ACAP3: variants seen among roughly 807,000 people sequenced by gnomAD.
ACAP3 encodes arf-GAP with coiled-coil, ANK repeat and PH domain-containing protein 3.
In ACAP3, 56 loss-of-function variants were observed where a neutral mutation model predicts 104.1. That is an observed-to-expected ratio of 0.54 (90% CI 0.43 to 0.67). The LOEUF is 0.67. ACAP3 is among the 30% of genes least tolerant of loss of function. The pLI is 0.00. For synonymous variants in ACAP3, 628 were observed against 496.2 expected (o/e 1.27, Z -3.53); for missense variants, 1,208 against 1,174.9 (o/e 1.03, Z -0.41).
At chr1:1,307,685 T>TGACCTCCCCACCCCGCCGCC in intron 1 of ACAP3, 84 bp downstream of exon 1, 4 of 1,038,856 alleles carry the variant, frequency 3.9e-6, no homozygotes, top group Non-Finnish European at 2.3e-6. Flanking sequence ...GGCCCGGCGC[T>TGACCTCCCCACCCCGCCGCC]GACCTCCCCA....
In ACAP3 at chr1:1,306,968, T is replaced by C. The variant is rs187307697; in HGVS notation, c.47+801A>G. ...TGGCACAGCTCATCCACACGTCCTG[T>C]GCAAGGCCTGGTGTCCGGAGGGAGG... On this transcript the variant is annotated intron_variant, in intron 1 of 23. Coordinates refer to ENST00000354700, the MANE Select transcript of ACAP3 (RefSeq NM_030649.3). The C allele has an allele frequency of 2.3e-3, 964 of 413,646 alleles. 2 individuals carry two copies. The highest frequency in any genetic ancestry group is 4.1e-3 in the Non-Finnish European group (846 of 207,540). The allele number at this position is 413,646 out of a possible 1,614,324, so 25.6% of individuals were successfully genotyped here.
Position 1,298,691 on chromosome 1 carries a change from G to A in ACAP3, c.751-12C>T. On this transcript the variant is annotated splice_polypyrimidine_tract_variant and intron_variant, in intron 10 of 23. Transcript: ENST00000354700. The stretch of plus-strand genomic sequence containing the variant: ...TCGTAGGAGAAGTCCTGGGGGGATG[G>A]AACCCGCCCCCTCAGTGCCCACCCC... 6.2e-7 allele frequency: 1 copy of A among 1,603,272 alleles called. No homozygotes were observed.
At position 1,300,655 on chromosome 1, in the gene ACAP3, C is replaced by T. The variant is rs2100454647; in HGVS notation, c.376G>A (p.Asp126Asn). 6.2e-7 allele frequency: 1 copy of T among 1,609,770 alleles called. No homozygotes were observed. The highest frequency in any genetic ancestry group is 8.5e-7 in the Non-Finnish European group (1 of 1,179,092). ...AGCTCCAGGTCCTCCCGCACCTTGT[C>T]AAACTGCTTCTTTGTCTCCTTGAAC... Reference protein sequence around the residue: ...RKFKETKKQFDKVREDLELSL... With the variant: ...RKFKETKKQFNKVREDLELSL... Residue 126 changes from aspartate to asparagine, a missense_variant, in exon 6 of 24, where the codon GAC becomes AAC. By Grantham distance (23) the Asp-to-Asn change is conservative. Transcript: ENST00000354700.
Position 1,293,953 on chromosome 1 carries a change from G to A in ACAP3, c.2250-20C>T, listed in dbSNP as rs1250138329. ...ACCTGGCTGAGGGGCGAGGTCGGAG[G>A]GGCGTGTCGGGGCGGGGCGGGGCGG... is the stretch of plus-strand genomic sequence containing the variant. On this transcript the variant is annotated intron_variant, in intron 22 of 23. Transcript: ENST00000354700. 3.9e-6 allele frequency: 6 copies of A among 1,544,920 alleles called. No individual in the cohort carries two copies. The highest frequency in any genetic ancestry group is 3.8e-5 in the Admixed American group (2 of 52,912).
chr1:1,302,339 G>A (rs1231144298), intron 4 of ACAP3, among the ~76,000 whole-genome samples: 1 of 152,142 alleles, frequency 6.6e-6, no homozygotes, highest in Non-Finnish European at 1.5e-5. Flanking sequence ...CCTGGCCCTG[G>A]GCGGCCACCC....
Position 1,296,295 on chromosome 1 carries a change from T to G in ACAP3, c.1338-15A>C, listed in dbSNP as rs752707325. ...CACCCAGGCTCCTGGAGAGCAGAGG[T>G]AGGGATGAGTCTGGGGGAGGCAAGG... On this transcript the variant is annotated splice_polypyrimidine_tract_variant and intron_variant, in intron 15 of 23. Coordinates refer to ENST00000354700, the MANE Select transcript of ACAP3 (RefSeq NM_030649.3). The G allele has an allele frequency of 1.3e-6, 2 of 1,553,112 alleles. No individual in the cohort carries two copies. The highest frequency in any genetic ancestry group is 3.9e-5 in the Admixed American group (2 of 51,362).
At chr1:1,296,142 C>G in intron 16 of ACAP3, 33 bp from the exon 17 acceptor site, 1 of 1,611,184 alleles carries the variant, frequency 6.2e-7, no homozygotes, top group Non-Finnish European at 8.5e-7. Flanking sequence ...GGCATCAGTG[C>G]GAACCTGCAG....
Position 1,294,640 on chromosome 1 carries a change from G to T in ACAP3, c.1913-12C>A, listed in dbSNP as rs1254814450. ...CGACTCTGCACCCTCTGTGGGGAGGGGGCGGTCAGGGAAAGCAACCCCCGG... is the reference window on the plus strand; with the variant it reads ...CGACTCTGCACCCTCTGTGGGGAGGTGGCGGTCAGGGAAAGCAACCCCCGG... On this transcript the variant is annotated splice_polypyrimidine_tract_variant and intron_variant, in intron 20 of 23. Coordinates refer to ENST00000354700, the MANE Select transcript of ACAP3 (RefSeq NM_030649.3). 1 of 1,530,018 alleles carries T rather than the reference G, an allele frequency of 6.5e-7. No homozygotes were observed. The highest frequency in any genetic ancestry group is 2.1e-5 in the Admixed American group (1 of 48,752). The allele number at this position is 1,530,018 out of a possible 1,614,324, so 94.8% of individuals were successfully genotyped here. A position where few individuals can be genotyped will look rare whatever the true frequency, so the allele number is the denominator to read the frequency against.
At position 1,296,412 on chromosome 1, in the gene ACAP3, C is replaced by A; in HGVS notation, c.1337+13G>T. 2 of 1,545,226 alleles carry A rather than the reference C, an allele frequency of 1.3e-6. No individual in the cohort carries two copies. The highest frequency in any genetic ancestry group is 1.4e-5 in the African/African-American group (1 of 72,916). ...CCCAACCCCCACCCCCAGCCTGGCC[C>A]TCAGGGGCCCACCTGTGGATGCCGG... On this transcript the variant is annotated intron_variant, in intron 15 of 23. Transcript: ENST00000354700.
intron 1 of ACAP3, 45 bp from the exon 2 acceptor site, chr1:1,304,188 C>G (rs1641579539): frequency 6.5e-7 from 1 of 1,549,190 alleles, no homozygotes; most frequent in Non-Finnish European, 8.7e-7. Context: ...CAGCCTCAGC[C>G]CCCTCGGGGC....
In ACAP3 at chr1:1,293,563, C is replaced by A; in HGVS notation, c.*1G>T. On this transcript the variant is annotated 3_prime_UTR_variant, in exon 24 of 24. Transcript: ENST00000354700. The stretch of plus-strand genomic sequence containing the variant: ...GTGGCAGCTGCCCGGCCTGCCCGGC[C>A]CTAGCTCTCTTCCAGGTGGAGGCTG... 6.7e-7 allele frequency: 1 copy of A among 1,483,378 alleles called. No homozygotes were observed. Among genetic ancestry groups the A allele is most frequent in the Non-Finnish European group, 8.9e-7 (1 of 1,121,728 alleles). 91.9% of individuals were successfully genotyped at this position (1,483,378 alleles called of 1,614,324 possible).
Position 1,292,391 on chromosome 1 carries a change from T to C in ACAP3, c.*1173A>G, listed in dbSNP as rs3177555. 6.6e-6 allele frequency: 1 copy of C among 151,634 alleles called. No individual in the cohort carries two copies. Among genetic ancestry groups the C allele is most frequent in the African/African-American group, 2.4e-5 (1 of 41,164 alleles). 9.4% of individuals were successfully genotyped at this position (151,634 alleles called of 1,614,324 possible). On this transcript the variant is annotated 3_prime_UTR_variant, in exon 24 of 24. Transcript: ENST00000354700. ...GGCACGGGAGCCCAGGAGCAGGCAG[T>C]GGGCGCAAGTGCTTTATTCAAAGCG...
At position 1,303,018 on chromosome 1, in the gene ACAP3, G is replaced by T; in HGVS notation, c.226-43C>A. On this transcript the variant is annotated intron_variant, in intron 3 of 23. Transcript: ENST00000354700. This position sits in a 1 kb window ranked among gnomAD's most constrained non-coding sequence, Gnocchi z 4.0. ...AACCCGTGCTGAGATGGCAAATCCG[G>T]GCCCAGGTCACCCAGCCACGCCCTC... 6.3e-7 allele frequency: 1 copy of T among 1,587,774 alleles called. No individual in the cohort carries two copies. The highest frequency in any genetic ancestry group is 2.3e-5 in the East Asian group (1 of 43,492).
chr1:1,307,490 G>A (rs936984841), intron 1 of ACAP3: 1 of 1,258,618 alleles, frequency 7.9e-7, no homozygotes, highest in Non-Finnish European at 1.0e-6. Flanking sequence ...GCCCAGTGGA[G>A]GTGCAGACAC....
chr1:1,301,426 ATTT>A (rs70949569), intron 5 of ACAP3: 4 of 109,986 alleles, frequency 3.6e-5, no homozygotes, highest in Admixed American at 1.0e-4. Context: ...TGCCCATCTA[ATTT>A]TTTTTTTTTT....
Position 1,293,463 on chromosome 1 carries a change from C to T in ACAP3, c.*101G>A. The T allele has an allele frequency of 3.2e-6, 4 of 1,235,058 alleles. No individual in the cohort carries two copies. The highest frequency in any genetic ancestry group is 4.1e-6 in the Non-Finnish European group (4 of 973,384). 76.5% of individuals were successfully genotyped at this position (1,235,058 alleles called of 1,614,324 possible). ...GCACTGGGGCTGCCAGGTATCGACC[C>T]GCGGGTCACACGCAGGGCCGCGGCC... On this transcript the variant is annotated 3_prime_UTR_variant, in exon 24 of 24. Coordinates refer to ENST00000354700, the MANE Select transcript of ACAP3 (RefSeq NM_030649.3).
At position 1,295,818 on chromosome 1, in the gene ACAP3, G is replaced by C; in HGVS notation, c.1623C>G (p.Pro541=). Residue 541 remains proline (P), a synonymous_variant, in exon 18 of 24, where the codon CCC becomes CCG. Coordinates refer to ENST00000354700, the MANE Select transcript of ACAP3 (RefSeq NM_030649.3). Reference sequence around the variant, plus strand: ...CAGTGGGAGCGCGGGGAGAGCTGTGGGGCCGCAGGCACTTCTGCACCCTCC... The same window carrying C: ...CAGTGGGAGCGCGGGGAGAGCTGTGCGGCCGCAGGCACTTCTGCACCCTCC... ...RRWRVQKCLR[P]HSSPRAPTAR... The C allele has an allele frequency of 1.2e-6, 2 of 1,610,658 alleles. No homozygotes were observed. The highest frequency in any genetic ancestry group is 1.7e-6 in the Non-Finnish European group (2 of 1,179,904).
rs768250680 is a variant in ACAP3, at chr1:1,296,252, G to C, written c.1366C>G (p.Arg456Gly). 6.4e-7 allele frequency: 1 copy of C among 1,560,856 alleles called. No homozygotes were observed. Among genetic ancestry groups the C allele is most frequent in the Non-Finnish European group, 8.7e-7 (1 of 1,152,662 alleles). The part of the protein sequence containing the change: ...RSLGVHCSKV[R>G]SLTLDSWEPE... The stretch of plus-strand genomic sequence containing the variant: ...TCCCACGAGTCCAGCGTCAGGGACC[G>C]CACCTTGGAGCAGTGGACACCCAGG... Residue 456 changes from arginine to glycine, a missense_variant, in exon 16 of 24, where the codon CGG (arginine) becomes GGG (glycine). Arg to Gly is a moderately radical substitution (Grantham distance 125, BLOSUM62 -2). Transcript: ENST00000354700.
intron 5 of ACAP3, 98 bp downstream of exon 5, chr1:1,301,890 T>C: frequency 8.2e-7 from 1 of 1,219,492 alleles, no homozygotes; most frequent in Non-Finnish European, 1.1e-6. Context: ...CCTGGAGGCC[T>C]GGGCCCAAGG....
Sources: gnomAD v4.1 joint callset for allele counts (sites outside exome capture counted in the v4.1 genomes callset) on GRCh38, gnomAD v4.1.1 for gene constraint, Gnocchi (gnomAD v3.1) non-coding constraint, MANE v1.5 for transcripts, NCBI Gene and HGNC (gene_info 2026-07-23, HGNC 2026-07-21) for gene names.